The following DYNC1I1 variants were observed in gnomAD, a reference collection of about 807,000 sequenced individuals.
The protein encoded by DYNC1I1 is cytoplasmic dynein 1 intermediate chain 1.
A neutral mutation model predicts 86.6 loss-of-function variants in DYNC1I1; 43 were observed. The observed-to-expected ratio is 0.50, with a 90% CI of 0.39 to 0.64. The LOEUF (loss-of-function observed/expected upper bound fraction) is 0.64. Among genes scored for constraint, DYNC1I1 ranks in the 30% least tolerant of loss-of-function variants. The pLI, the probability that DYNC1I1 is intolerant of heterozygous loss-of-function variation, is 0.00. For missense variants in DYNC1I1, 604 were observed against 788.8 expected, an observed-to-expected ratio of 0.77 and a Z score of 2.81; for synonymous variants, 262 against 283.7, an observed-to-expected ratio of 0.92 and a Z score of 0.77.
At chr7:95,817,008 T>C (rs1482777587) in intron 4 of DYNC1I1, among the ~76,000 whole-genome samples, 1 of 152,144 alleles carries the variant, frequency 6.6e-6, no homozygotes, top group Non-Finnish European at 1.5e-5. Context: ...TTTTGTTTAG[T>C]TGAACATGTC....
intron 5 of DYNC1I1, among the ~76,000 whole-genome samples, chr7:95,853,025 G>T (rs562265935): frequency 1.3e-5 from 2 of 152,046 alleles, no homozygotes; most frequent in South Asian, 2.1e-4. Context: ...TTGACCCTTT[G>T]GTTGCTCAGA....
intron 14 of DYNC1I1, among the ~76,000 whole-genome samples, chr7:96,046,075 A>G (rs1487695499): frequency 6.6e-6 from 1 of 152,188 alleles, no homozygotes; most frequent in Non-Finnish European, 1.5e-5. Context: ...AGGGAAGACC[A>G]CATTGAAGCA....
At chr7:95,810,961 A>G (rs12668564) in intron 3 of DYNC1I1, among the ~76,000 whole-genome samples, 29,909 of 152,108 alleles carry the variant, frequency 0.2, 3,099 homozygotes, top group East Asian at 0.27. Context: ...TAGAAGGCAC[A>G]GTGAGAATTT....
intron 6 of DYNC1I1, among the ~76,000 whole-genome samples, chr7:95,915,420 T>G (rs534991639): frequency 6.6e-6 from 1 of 152,246 alleles, no homozygotes; most frequent in Non-Finnish European, 1.5e-5. Flanking sequence ...TAATTTGTAT[T>G]TTATAAACCC....
intron 6 of DYNC1I1, among the ~76,000 whole-genome samples, chr7:95,899,820 A>G (rs984863): frequency 0.93 from 141,903 of 152,264 alleles, 66,493 homozygotes; most frequent in Non-Finnish European, 0.98. Flanking sequence ...TTGAATATTT[A>G]ATTCTTTTCT....
chr7:95,810,552 G>T (rs780562849), intron 3 of DYNC1I1, 46 bp downstream of exon 3: 70 of 1,521,282 alleles, frequency 4.6e-5, no homozygotes, highest in Non-Finnish European at 6.2e-5. Flanking sequence ...ATCAACTTGC[G>T]TGGGATATAC....
chr7:96,075,939 T>C, intron 14 of DYNC1I1, 118 bp from the exon 15 acceptor site: 1 of 1,396,858 alleles, frequency 7.2e-7, no homozygotes, highest in Non-Finnish European at 9.6e-7. Flanking sequence ...TCTCGAGGAC[T>C]TTCATCTCGG....
At chr7:95,995,235 A>G (rs1263320818) in intron 9 of DYNC1I1, among the ~76,000 whole-genome samples, 1 of 147,078 alleles carries the variant, frequency 6.8e-6, no homozygotes, top group African/African-American at 2.5e-5. Flanking sequence ...CAACAGAGCG[A>G]GACTCCATCT....
intron 6 of DYNC1I1, among the ~76,000 whole-genome samples, chr7:95,914,558 C>T (rs1295790908): frequency 6.6e-6 from 1 of 152,124 alleles, no homozygotes; most frequent in African/African-American, 2.4e-5. Flanking sequence ...GATGATCATC[C>T]TGCTTTATTT....
intron 10 of DYNC1I1, among the ~76,000 whole-genome samples, chr7:96,010,858 A>G (rs909825881): frequency 6.6e-6 from 1 of 152,222 alleles, no homozygotes; most frequent in African/African-American, 2.4e-5. Flanking sequence ...GCATTGCCAG[A>G]TGCTTGGCAT....
At chr7:95,874,605 TA>T (rs1790256157) in intron 6 of DYNC1I1, among the ~76,000 whole-genome samples, 1 of 151,772 alleles carries the variant, frequency 6.6e-6, no homozygotes, top group Non-Finnish European at 1.5e-5. Flanking sequence ...AATGAAGTCA[TA>T]AGGGTAGGAT....
chr7:95,992,626 G>T (rs1378802591), intron 9 of DYNC1I1, among the ~76,000 whole-genome samples: 1 of 151,570 alleles, frequency 6.6e-6, no homozygotes, highest in Admixed American at 6.6e-5. Context: ...TAAATGCTAG[G>T]TTCTTTTTTT....
chr7:95,956,673 G>A (rs1300960009), intron 6 of DYNC1I1, among the ~76,000 whole-genome samples: 1 of 152,032 alleles, frequency 6.6e-6, no homozygotes, highest in Non-Finnish European at 1.5e-5. Flanking sequence ...AAGAATGATG[G>A]TTTCCAGCTT....
intron 14 of DYNC1I1, among the ~76,000 whole-genome samples, chr7:96,065,541 CTAAA>C (rs778457800): frequency 2.0e-5 from 3 of 152,034 alleles, no homozygotes; most frequent in Non-Finnish European, 4.4e-5. Context: ...CCATGCCTGG[CTAAA>C]TTTTTGGTTT....
chr7:96,095,452 A>G (rs558518087), intron 16 of DYNC1I1, among the ~76,000 whole-genome samples: 1 of 152,256 alleles, frequency 6.6e-6, no homozygotes, highest in African/African-American at 2.4e-5. Flanking sequence ...TTAACTAATA[A>G]TATAGCTTTA....
At chr7:95,838,326 G>T (rs1039072822) in intron 5 of DYNC1I1, among the ~76,000 whole-genome samples, 1 of 152,094 alleles carries the variant, frequency 6.6e-6, no homozygotes, top group Non-Finnish European at 1.5e-5. Context: ...ATTCTTGTCT[G>T]TATTATGGAA....
chr7:95,994,933 G>T (rs1178658218), intron 9 of DYNC1I1, among the ~76,000 whole-genome samples: 2 of 152,028 alleles, frequency 1.3e-5, no homozygotes, highest in Non-Finnish European at 2.9e-5. Context: ...TTAGTGTGTG[G>T]GAGTGAGAGA....
At chr7:95,964,669 A>T (rs552064219) in intron 6 of DYNC1I1, among the ~76,000 whole-genome samples, 1 of 152,216 alleles carries the variant, frequency 6.6e-6, no homozygotes, top group Non-Finnish European at 1.5e-5. Context: ...TAAATGTAGA[A>T]GGTCAGATAG....
At chr7:95,935,684 A>G (rs979343968) in intron 6 of DYNC1I1, among the ~76,000 whole-genome samples, 2 of 152,050 alleles carry the variant, frequency 1.3e-5, no homozygotes, top group African/African-American at 2.4e-5. Flanking sequence ...GAGAGAACAT[A>G]TTTGCAAACC....
Sources: gnomAD v4.1 joint callset for allele counts (sites outside exome capture counted in the v4.1 genomes callset) on GRCh38, gnomAD v4.1.1 for gene constraint, MANE v1.5 for transcripts, NCBI Gene and HGNC (gene_info 2026-07-23, HGNC 2026-07-21) for gene names.